The following RBL2 variants were observed in gnomAD, a reference collection of about 807,000 sequenced individuals.
RBL2 encodes RB transcriptional corepressor like 2, also known as retinoblastoma-like protein 2.
In RBL2, 56 loss-of-function variants were observed where a neutral mutation model predicts 126.0. The observed-to-expected ratio is 0.44, with a 90% CI of 0.36 to 0.56. RBL2 has a LOEUF of 0.56. RBL2 is among the 20% of genes least tolerant of loss of function. RBL2 has a pLI of 0.00. For synonymous variants in RBL2, 454 were observed against 478.5 expected (o/e 0.95, Z 0.67); for missense variants, 1,229 against 1,398.2 (o/e 0.88, Z 1.93).
chr16:53,447,019 C>T, intron 3 of RBL2, 23 bp from the exon 4 acceptor site: 1 of 1,334,806 alleles, frequency 7.5e-7, no homozygotes, highest in Non-Finnish European at 1.0e-6. Flanking sequence ...TGTCTCATGA[C>T]TTTTTTTTTT....
chr16:53,447,797 A>G (rs1258766412), intron 4 of RBL2, among the ~76,000 whole-genome samples: 1 of 151,828 alleles, frequency 6.6e-6, no homozygotes, highest in East Asian at 1.9e-4. Context: ...GGCGCCCACC[A>G]CCATGCCCAG....
At chr16:53,449,152 A>ATG (rs2058090050) in intron 4 of RBL2, 1 of 152,204 alleles carries the variant, frequency 6.6e-6, no homozygotes, top group Admixed American at 6.5e-5. Context: ...AAATTTTAGA[A>ATG]TGTGTGACTG....
intron 1 of RBL2, among the ~76,000 whole-genome samples, chr16:53,436,256 A>T (rs1027158015): frequency 1.2e-4 from 19 of 152,242 alleles, no homozygotes; most frequent in Non-Finnish European, 1.5e-4. Context: ...TAAATCAGAT[A>T]GAACAAGCAT....
At chr16:53,438,817 C>G (rs1293685849) in intron 1 of RBL2, among the ~76,000 whole-genome samples, 199 bp from the exon 2 acceptor site, 2 of 122,442 alleles carry the variant, frequency 1.6e-5, no homozygotes, top group Non-Finnish European at 3.1e-5. Context: ...GCACTCCAGC[C>G]TGGGTGACAG....
intron 8 of RBL2, among the ~76,000 whole-genome samples, chr16:53,458,219 C>T (rs1293636813): frequency 6.6e-6 from 1 of 152,084 alleles, no homozygotes; most frequent in East Asian, 1.9e-4. Flanking sequence ...GGCTCTGTTG[C>T]CAGGTGAAAG....
At chr16:53,467,807 G>C in intron 14 of RBL2, among the ~76,000 whole-genome samples, 1 of 152,182 alleles carries the variant, frequency 6.6e-6, no homozygotes, top group East Asian at 1.9e-4. Flanking sequence ...TAGAATTCCT[G>C]GTGATTTCTG....
At position 53,434,783 on chromosome 16, in the gene RBL2, G is replaced by A. The variant is rs1421168442; in HGVS notation, c.227G>A (p.Ser76Asn). The change falls in exon 1 of 22, where the codon AGC becomes AAC. Residue 76 changes from serine (S) to asparagine (N), a missense_variant. Ser to Asn is a conservative substitution (Grantham distance 46). Transcript: ENST00000262133. The part of the protein sequence containing the change: ...AWDSYRSMSE[S>N]YTLEGNDLHW... ...GACAGCTACCGCAGCATGAGCGAAAGCTACACGCTGGAGGTGCGCTCGCGG... is the reference window on the plus strand; with the variant it reads ...GACAGCTACCGCAGCATGAGCGAAAACTACACGCTGGAGGTGCGCTCGCGG... 2 of 1,509,212 alleles carry A rather than the reference G, an allele frequency of 1.3e-6. No homozygotes were observed. Among genetic ancestry groups the A allele is most frequent in the South Asian group, 2.4e-5 (2 of 82,250 alleles). 93.5% of individuals were successfully genotyped at this position (1,509,212 alleles called of 1,614,324 possible). A position where few individuals can be genotyped will look rare whatever the true frequency, so the allele number is the denominator to read the frequency against.
chr16:53,470,189 A>C lies in RBL2; in HGVS notation c.2245+4A>C, dbSNP rs938729618. 1.9e-6 allele frequency: 3 copies of C among 1,598,266 alleles called. No individual in the cohort carries two copies. The African/African-American group carries it at 4.0e-5, about 21-fold the overall frequency. On this transcript the variant is annotated splice_donor_region_variant and intron_variant, in intron 15 of 21. Coordinates refer to ENST00000262133, the MANE Select transcript of RBL2 (RefSeq NM_005611.4). Reference sequence around the variant, plus strand: ...ACGGTAACCATTCCTGTGCAAGGTAAGGAAGGCAGAGTTGGATATTGAGTT... The same window carrying C: ...ACGGTAACCATTCCTGTGCAAGGTACGGAAGGCAGAGTTGGATATTGAGTT...
intron 7 of RBL2, 108 bp downstream of exon 7, chr16:53,453,877 G>A (rs903594273): frequency 1.9e-5 from 20 of 1,046,782 alleles, no homozygotes; most frequent in Middle Eastern, 3.1e-4. Flanking sequence ...AATATGTTTT[G>A]TGAGAGAATA....
Position 53,480,587 on chromosome 16 carries a change from G to A in RBL2, c.2902G>A (p.Val968Ile), listed in dbSNP as rs753303253. The A allele has an allele frequency of 1.9e-6, 3 of 1,613,884 alleles. No individual in the cohort carries two copies. Among genetic ancestry groups the A allele is most frequent in the Non-Finnish European group, 1.7e-6 (2 of 1,179,922 alleles). ...TGCAGCCAGTAGAGACTCCAGTCCAGTTATGAGGTCAAGCAGCACCTTGCC... is the reference window on the plus strand; with the variant it reads ...TGCAGCCAGTAGAGACTCCAGTCCAATTATGAGGTCAAGCAGCACCTTGCC... ...KDRTSRDSSP[V>I]MRSSSTLPVP... Residue 968 changes from valine to isoleucine, a missense_variant, in exon 20 of 22, where the codon GTT becomes ATT. Physicochemically the swap from Val to Ile is conservative, Grantham distance 29. Around this residue, in one of 2 missense-constraint regions of RBL2, gnomAD observed 1,070 missense variants for 1,274.3 expected, o/e 0.84. Coordinates refer to ENST00000262133, the MANE Select transcript of RBL2 (RefSeq NM_005611.4).
chr16:53,455,280 A>G (rs1451742725), intron 8 of RBL2, among the ~76,000 whole-genome samples: 1 of 152,206 alleles, frequency 6.6e-6, no homozygotes, highest in Admixed American at 6.5e-5. Flanking sequence ...ATTATTTCAA[A>G]CAGACACTTA....
At chr16:53,474,053 C>A (rs1960627049) in intron 17 of RBL2, among the ~76,000 whole-genome samples, 1 of 152,048 alleles carries the variant, frequency 6.6e-6, no homozygotes. Flanking sequence ...CGCTCTGTTA[C>A]CCAGGCTAGA....
chr16:53,455,175 G>C (rs912707626), intron 8 of RBL2, among the ~76,000 whole-genome samples: 11 of 152,188 alleles, frequency 7.2e-5, no homozygotes, highest in African/African-American at 2.7e-4. Flanking sequence ...AGTGATAATT[G>C]ACCTGACTGG....
intron 1 of RBL2, among the ~76,000 whole-genome samples, chr16:53,435,283 C>T (rs2057946928): frequency 1.3e-5 from 2 of 152,146 alleles, no homozygotes; most frequent in South Asian, 4.1e-4. Context: ...GCGTTTGAGT[C>T]AACGTGCTGA....
chr16:53,442,156 A>G (rs1303254007), intron 2 of RBL2, among the ~76,000 whole-genome samples: 2 of 152,006 alleles, frequency 1.3e-5, no homozygotes, highest in Non-Finnish European at 2.9e-5. Flanking sequence ...TTAAAAAAAA[A>G]TCTGAAGTGG....
chr16:53,446,439 T>A (rs1368342918), intron 3 of RBL2, among the ~76,000 whole-genome samples: 1 of 152,152 alleles, frequency 6.6e-6, no homozygotes, highest in East Asian at 1.9e-4. Flanking sequence ...TGTTGGGAGG[T>A]GGAGACCACA....
intron 19 of RBL2, chr16:53,480,310 G>A: frequency 1.8e-6 from 1 of 540,872 alleles, no homozygotes; most frequent in South Asian, 2.5e-5. Flanking sequence ...GTACCACTTA[G>A]TACAGGGCTT....
At chr16:53,459,031 G>A (rs2058194557) in intron 8 of RBL2, among the ~76,000 whole-genome samples, 1 of 152,086 alleles carries the variant, frequency 6.6e-6, no homozygotes, top group Non-Finnish European at 1.5e-5. Flanking sequence ...TTGAGTGTCT[G>A]CAAAAATAGC....
chr16:53,475,367 C>T (rs1418948224), intron 17 of RBL2, among the ~76,000 whole-genome samples: 1 of 152,090 alleles, frequency 6.6e-6, no homozygotes, highest in Non-Finnish European at 1.5e-5. Context: ...AGGCCTGTGC[C>T]ACCTCGCCCA....
Sources: allele counts gnomAD v4.1 joint callset (sites outside exome capture counted in the v4.1 genomes callset), GRCh38; gene constraint gnomAD v4.1.1; regional missense constraint gnomAD v4.1.1; transcripts MANE v1.5; gene names NCBI Gene and HGNC (gene_info 2026-07-23, HGNC 2026-07-21).